Variants in AQP5 observed in about 807,000 individuals in gnomAD.
AQP5 encodes the protein aquaporin 5, also known as aquaporin-5.
In AQP5, 15 loss-of-function variants were observed where a neutral mutation model predicts 19.1. The ratio of observed to expected loss-of-function variants is 0.79; its 90% CI spans 0.53 to 1.21. AQP5 has a LOEUF of 1.21. Among genes scored for constraint, AQP5 ranks in the 50% most tolerant of loss-of-function variants. The pLI, the probability that AQP5 is intolerant of heterozygous loss-of-function variation, is 0.00. For synonymous variants in AQP5, 182 were observed against 160.3 expected (o/e 1.14, Z -1.02); for missense variants, 355 against 357.1 (o/e 0.99, Z 0.05).
intron 3 of AQP5, chr12:49,964,607 T>A: frequency 1.0e-6 from 1 of 980,244 alleles, no homozygotes; most frequent in Non-Finnish European, 1.2e-6. Flanking sequence ...CTTTGGAAGC[T>A]CATGGTCACT....
At position 49,962,327 on chromosome 12, in the gene AQP5, A is replaced by T; in HGVS notation, c.310A>T (p.Ile104Phe). The change falls in exon 1 of 4, where the codon ATC (isoleucine) becomes TTC (phenylalanine). Residue 104 changes from isoleucine to phenylalanine, a missense_variant. Transcript: ENST00000293599. ...QLVGAIAGAGILYGVAPLNAR... is the reference protein window; with the variant it reads ...QLVGAIAGAGFLYGVAPLNAR... ...GGTGGGCGCCATTGCCGGGGCTGGC[A>T]TCCTCTACGGTGTGGCACCGCTCAA... 1 of 1,605,328 alleles carries T rather than the reference A, an allele frequency of 6.2e-7. No homozygotes were observed.
Position 49,964,978 on chromosome 12 carries a change from C to G in AQP5, c.613-14C>G, listed in dbSNP as rs369207871. The G allele has an allele frequency of 1.9e-5, 31 of 1,609,224 alleles. No homozygotes were observed. The African/African-American group carries it at 2.8e-4, about 15-fold the overall frequency. On this transcript the variant is annotated splice_polypyrimidine_tract_variant and intron_variant, in intron 3 of 3. Coordinates refer to ENST00000293599, the MANE Select transcript of AQP5 (RefSeq NM_001651.4). Reference sequence around the variant, plus strand: ...TGGGGCTCAGCGCCCTGACTCCTGCCCTGTCTCCACCAGGTTTTCTGGGTA... The same window carrying G: ...TGGGGCTCAGCGCCCTGACTCCTGCGCTGTCTCCACCAGGTTTTCTGGGTA...
At chr12:49,962,532 A>AGAGG (rs145585963) in intron 1 of AQP5, 152 bp downstream of exon 1, 1 of 1,196,250 alleles carries the variant, frequency 8.4e-7, no homozygotes, top group African/African-American at 1.5e-5. Context: ...CAGGAAGGCA[A>AGAGG]CTCTCCAGGC....
At chr12:49,964,691 G>A (rs1438701923) in intron 3 of AQP5, 14 of 985,180 alleles carry the variant, frequency 1.4e-5, no homozygotes, top group East Asian at 1.1e-4. Context: ...GAGGACCCAC[G>A]TGTCCCCTCT....
chr12:49,962,357 C>CG lies in AQP5; in HGVS notation c.344dup (p.Asn116GlnfsTer36). ...CTACGGTGTGGCACCGCTCAATGCC[C>CG]GGGGCAATCTGGCCGTCAACGCGGT... is the stretch of plus-strand genomic sequence containing the variant. On this transcript the variant is annotated frameshift_variant, in exon 1 of 4. Coordinates refer to ENST00000293599, the MANE Select transcript of AQP5 (RefSeq NM_001651.4). LOFTEE classifies it high-confidence loss of function. The CG allele has an allele frequency of 1.3e-6, 2 of 1,587,724 alleles. No individual in the cohort carries two copies. Among genetic ancestry groups the CG allele is most frequent in the Non-Finnish European group, 1.7e-6 (2 of 1,175,356 alleles).
At chr12:49,962,729 G>A (rs1051015689) in intron 1 of AQP5, 13 of 234,790 alleles carry the variant, frequency 5.5e-5, no homozygotes, top group African/African-American at 2.7e-4. Flanking sequence ...GAGCGGTTGA[G>A]TAGAACCACC....
intron 3 of AQP5, 25 bp downstream of exon 3, chr12:49,964,200 C>A (rs372647402): frequency 6.2e-6 from 10 of 1,607,498 alleles, no homozygotes; most frequent in Non-Finnish European, 6.8e-6. Flanking sequence ...TCCCCTGGCT[C>A]CCTGGAGATG....
chr12:49,962,723 G>A (rs1246497078), intron 1 of AQP5: 4 of 245,128 alleles, frequency 1.6e-5, no homozygotes, highest in Non-Finnish European at 2.4e-5. Context: ...TCAGTGGAGC[G>A]GTTGAGTAGA....
intron 3 of AQP5, chr12:49,964,716 T>G (rs763631521): frequency 3.5e-5 from 34 of 985,264 alleles, no homozygotes; most frequent in Non-Finnish European, 3.7e-5. Flanking sequence ...GTTTATTTGC[T>G]TCTCTTTCCG....
Position 49,962,210 on chromosome 12 carries a change from G to T in AQP5, c.193G>T (p.Gly65Cys), listed in dbSNP as rs147337355. The T allele has an allele frequency of 9.3e-6, 15 of 1,606,870 alleles. No homozygotes were observed. Among genetic ancestry groups the T allele is most frequent in the Non-Finnish European group, 1.2e-5 (14 of 1,179,778 alleles). The change falls in exon 1 of 4, where the codon GGC (glycine) becomes TGC (cysteine). Residue 65 changes from glycine to cysteine, a missense_variant. Gly to Cys is a radical substitution (Grantham distance 159, BLOSUM62 -3). Transcript: ENST00000293599. ...GGCCCAGGCCCTGGGACCCGTGAGC[G>T]GCGGCCACATCAACCCCGCCATCAC... ...TLAQALGPVSGGHINPAITLA... is the reference protein window; with the variant it reads ...TLAQALGPVSCGHINPAITLA...
At chr12:49,964,632 CT>C in intron 3 of AQP5, 1 of 985,322 alleles carries the variant, frequency 1.0e-6, no homozygotes, top group Non-Finnish European at 1.2e-6. Flanking sequence ...CCAGGGTCTG[CT>C]TCTATCCCTG....
At chr12:49,963,725 G>T in intron 2 of AQP5, 69 bp downstream of exon 2, 1 of 1,552,204 alleles carries the variant, frequency 6.4e-7, no homozygotes. Flanking sequence ...TGGAGCCCTG[G>T]AGCGGAGCCC....
chr12:49,963,843 A>G, intron 2 of AQP5, 187 bp downstream of exon 2: 1 of 929,178 alleles, frequency 1.1e-6, no homozygotes, highest in African/African-American at 1.7e-5. Flanking sequence ...TGGGCTGAGG[A>G]AAGATGGGAG....
rs1947429813 is a variant in AQP5 at position 49,962,080 on chromosome 12, C to T, written c.63C>T (p.Thr21=). 1 of 1,612,970 alleles carries T rather than the reference C, an allele frequency of 6.2e-7. No homozygotes were observed. Among genetic ancestry groups the T allele is most frequent in the Non-Finnish European group, 8.5e-7 (1 of 1,179,322 alleles). Reference sequence around the variant, plus strand: ...CCGTGTTCGCAGAGTTCTTGGCCACCCTCATCTTCGTCTTCTTTGGCCTGG... The same window carrying T: ...CCGTGTTCGCAGAGTTCTTGGCCACTCTCATCTTCGTCTTCTTTGGCCTGG... ...LKAVFAEFLA[T]LIFVFFGLGS... is the part of the protein sequence containing the mutation. The change falls in exon 1 of 4, where the codon ACC becomes ACT. Residue 21 remains threonine (T), a synonymous_variant. Coordinates refer to ENST00000293599, the MANE Select transcript of AQP5 (RefSeq NM_001651.4).
In AQP5 at chr12:49,965,481, A is replaced by C; in HGVS notation, c.*304A>C. 1 of 235,196 alleles carries C rather than the reference A, an allele frequency of 4.3e-6. No homozygotes were observed. The highest frequency in any genetic ancestry group is 8.2e-6 in the Non-Finnish European group (1 of 122,236). The allele number at this position is 235,196 out of a possible 1,614,324, so 14.6% of individuals were successfully genotyped here. A position where few individuals can be genotyped will look rare whatever the true frequency, so the allele number is the denominator to read the frequency against. ...AGAAAAGGGCGGGCCTGCAGCCTGC[A>C]CCCCCCACCTTCCCCAACCCTTCCT... On this transcript the variant is annotated 3_prime_UTR_variant, in exon 4 of 4. Transcript: ENST00000293599.
rs752440029 is a variant in AQP5 at position 49,965,038 on chromosome 12, T to C, written c.659T>C (p.Leu220Pro). 1.2e-6 allele frequency: 2 copies of C among 1,613,912 alleles called. No individual in the cohort carries two copies. The highest frequency in any genetic ancestry group is 1.7e-6 in the Non-Finnish European group (2 of 1,179,986). ...GTGGGGGCGGTCCTGGCTGCCATCC[T>C]TTACTTCTACCTGCTCTTCCCCAAC... ...PIVGAVLAAI[L>P]YFYLLFPNSL... Residue 220 changes from leucine (L) to proline (P), a missense_variant, in exon 4 of 4, where the codon CTT (leucine) becomes CCT (proline). Transcript: ENST00000293599.
Position 49,961,890 on chromosome 12 carries a change from TG to T in AQP5, c.-125del. 2.4e-6 allele frequency: 1 copy of T among 420,738 alleles called. No individual in the cohort carries two copies. Among genetic ancestry groups the T allele is most frequent in the Non-Finnish European group, 3.3e-6 (1 of 304,502 alleles). The allele number at this position is 420,738 out of a possible 1,614,324, so 26.1% of individuals were successfully genotyped here. ...CCGCGCCAGGCCGCCAGCCTCGGAG[TG>T]GGCGCGGGACAGTGCGCGGCGCCCC... is the stretch of plus-strand genomic sequence containing the variant. On this transcript the variant is annotated 5_prime_UTR_variant, in exon 1 of 4. Transcript: ENST00000293599.
chr12:49,964,594 C>A (rs1947467452), intron 3 of AQP5: 1 of 964,332 alleles, frequency 1.0e-6, no homozygotes, highest in South Asian at 4.8e-5. Context: ...CTGTCTGCCC[C>A]CCCTTTGGAA....
In AQP5 at chr12:49,963,659, G is replaced by C; in HGVS notation, c.528+3G>C. The stretch of plus-strand genomic sequence containing the variant: ...TCACCCTGGGCCACCTTGTCGGAGT[G>C]AGCAGTACCGACATTGGGCTGGGGT... On this transcript the variant is annotated splice_donor_region_variant and intron_variant, in intron 2 of 3. Transcript: ENST00000293599. 1.2e-6 allele frequency: 2 copies of C among 1,612,652 alleles called. No individual in the cohort carries two copies. The highest frequency in any genetic ancestry group is 1.7e-6 in the Non-Finnish European group (2 of 1,179,482).
Sources: gnomAD v4.1 joint callset for allele counts on GRCh38, gnomAD v4.1.1 for gene constraint, MANE v1.5 for transcripts, NCBI Gene and HGNC (gene_info 2026-07-23, HGNC 2026-07-21) for gene names.